Variants in CRYZL1 observed in about 807,000 individuals in gnomAD.
CRYZL1 encodes ferry endosomal RAB5 effector complex subunit 4.
In CRYZL1, 34 loss-of-function variants were observed where a neutral mutation model predicts 50.6. The ratio of observed to expected loss-of-function variants is 0.67; its 90% CI spans 0.51 to 0.89. CRYZL1 has a LOEUF of 0.89. Ranked by LOEUF, CRYZL1 falls within the 40% of genes least tolerant of loss-of-function variation. The pLI is 0.00. For missense variants in CRYZL1, 354 were observed against 402.3 expected (o/e 0.88, Z 1.03); for synonymous variants, 125 against 134.3 (o/e 0.93, Z 0.48).
Position 33,589,502 on chromosome 21 carries a change from G to A in CRYZL1, c.*320C>T, listed in dbSNP as rs1242572260. 1 of 452,888 alleles carries A rather than the reference G, an allele frequency of 2.2e-6. No homozygotes were observed. The highest frequency in any genetic ancestry group is 3.6e-5 in the East Asian group (1 of 27,600). 28.1% of individuals were successfully genotyped at this position (452,888 alleles called of 1,614,324 possible). On this transcript the variant is annotated 3_prime_UTR_variant, in exon 13 of 13. Transcript: ENST00000381554. ...AGGCCTGCAACAGCTTTTATCAAGA[G>A]TAGTGTGACTTTTGCTGAAAGCAGC...
At chr21:33,636,893 G>T (rs563572456) in intron 1 of CRYZL1, among the ~76,000 whole-genome samples, 1 of 152,146 alleles carries the variant, frequency 6.6e-6, no homozygotes, top group African/African-American at 2.4e-5. Context: ...TGCAAGCTCC[G>T]CCTCCGGGGT....
chr21:33,626,914 G>A (rs1478389221), intron 2 of CRYZL1, among the ~76,000 whole-genome samples: 2 of 152,134 alleles, frequency 1.3e-5, no homozygotes, highest in Non-Finnish European at 2.9e-5. Context: ...CTCCTGTGAT[G>A]TATCAAAGGG....
intron 1 of CRYZL1, chr21:33,640,122 G>A (rs948120207): frequency 4.3e-5 from 66 of 1,542,894 alleles, no homozygotes; most frequent in Non-Finnish European, 5.6e-5. Context: ...CACCACGCTC[G>A]GCCAATATGT....
At position 33,589,930 on chromosome 21, in the gene CRYZL1, G is replaced by T; in HGVS notation, c.951-9C>A. 1.3e-6 allele frequency: 2 copies of T among 1,531,626 alleles called. No homozygotes were observed. The highest frequency in any genetic ancestry group is 1.8e-5 in the Admixed American group (1 of 54,860). The allele number at this position is 1,531,626 out of a possible 1,614,324, so 94.9% of individuals were successfully genotyped here. On this transcript the variant is annotated splice_polypyrimidine_tract_variant and intron_variant, in intron 12 of 12. Transcript: ENST00000381554. The stretch of plus-strand genomic sequence containing the variant: ...GTTCATCCAACTGAGGTCTGAGAAG[G>T]AATGAAATTAGAAATGTCAGGTCTA...
At chr21:33,604,265 A>G (rs2145926333) in intron 6 of CRYZL1, among the ~76,000 whole-genome samples, 1 of 148,984 alleles carries the variant, frequency 6.7e-6, no homozygotes, top group Middle Eastern at 3.5e-3. Flanking sequence ...CTGAGGCAAG[A>G]GAATGGTGTG....
Position 33,624,680 on chromosome 21 carries a change from T to TA in CRYZL1, c.144+2dup, listed in dbSNP as rs781287785. 1 of 1,607,946 alleles carries TA rather than the reference T, an allele frequency of 6.2e-7. No individual in the cohort carries two copies. Among genetic ancestry groups the TA allele is most frequent in the South Asian group, 1.1e-5 (1 of 89,598 alleles). ...CTTTGTGCCATAATAAAAGAACCAA[T>TA]ACCTTTGTATTTATCTGGCTCAGAG... On this transcript the variant is annotated splice_region_variant and intron_variant, in intron 3 of 12. Transcript: ENST00000381554.
intron 1 of CRYZL1, chr21:33,641,168 G>T: frequency 6.5e-7 from 1 of 1,550,230 alleles, no homozygotes; most frequent in Non-Finnish European, 8.7e-7. Context: ...CTATCCCAAG[G>T]CGATGCTTAC....
At chr21:33,621,821 CAG>C (rs945294652) in intron 4 of CRYZL1, among the ~76,000 whole-genome samples, 173 bp downstream of exon 4, 9 of 151,774 alleles carry the variant, frequency 5.9e-5, no homozygotes, top group Admixed American at 3.9e-4. Context: ...CTGGGCAACA[CAG>C]AGAGACCTTG....
rs2086765507 is a variant in CRYZL1 at position 33,602,339 on chromosome 21, C to T, written c.472G>A (p.Gly158Ser). 6.4e-7 allele frequency: 1 copy of T among 1,572,854 alleles called. No homozygotes were observed. Among genetic ancestry groups the T allele is most frequent in the Admixed American group, 1.7e-5 (1 of 59,854 alleles). The change falls in exon 8 of 13, where the codon GGT (glycine) becomes AGT (serine). Residue 158 changes from glycine to serine, a missense_variant. Coordinates refer to ENST00000381554, the MANE Select transcript of CRYZL1 (RefSeq NM_145858.3). ...TGTGCTAACTGAATAGCTATTGTAC[C>T]AAATGCCTGTGTAGAAAAAAATATA... The part of the protein sequence containing the change: ...VLIMDGASAF[G>S]TIAIQLAHHR...
intron 1 of CRYZL1, among the ~76,000 whole-genome samples, chr21:33,634,834 CTGCT>C (rs1259334282): frequency 6.6e-6 from 1 of 150,880 alleles, no homozygotes; most frequent in African/African-American, 2.4e-5. Context: ...TGGAAGATAA[CTGCT>C]TGTTTGTACC....
intron 1 of CRYZL1, among the ~76,000 whole-genome samples, chr21:33,638,854 G>C (rs2087242640): frequency 6.6e-6 from 1 of 152,212 alleles, no homozygotes; most frequent in Admixed American, 6.5e-5. Context: ...GACTGAAACA[G>C]AGGATGGGTA....
chr21:33,624,419 C>A (rs930315977), intron 3 of CRYZL1, among the ~76,000 whole-genome samples: 1 of 152,070 alleles, frequency 6.6e-6, no homozygotes, highest in Admixed American at 6.6e-5. Flanking sequence ...TGTGGTGGTG[C>A]GCTCCTGTGA....
chr21:33,634,084 A>AGCAT (rs1190398680), intron 1 of CRYZL1, among the ~76,000 whole-genome samples: 1 of 152,264 alleles, frequency 6.6e-6, no homozygotes, highest in Non-Finnish European at 1.5e-5. Flanking sequence ...TTACGTATGT[A>AGCAT]GCATGTATCA....
At chr21:33,593,677 G>A (rs539483021) in intron 11 of CRYZL1, among the ~76,000 whole-genome samples, 4 of 152,062 alleles carry the variant, frequency 2.6e-5, no homozygotes, top group Non-Finnish European at 5.9e-5. Context: ...TTTCCAACAT[G>A]TAAGATTCAA....
At chr21:33,621,447 T>C (rs899685113) in intron 4 of CRYZL1, among the ~76,000 whole-genome samples, 1 of 151,754 alleles carries the variant, frequency 6.6e-6, no homozygotes. Flanking sequence ...GTTCACGCCA[T>C]TCTCCTGCCT....
At chr21:33,631,784 C>T (rs1215021737) in intron 1 of CRYZL1, among the ~76,000 whole-genome samples, 1 of 152,190 alleles carries the variant, frequency 6.6e-6, no homozygotes, top group Non-Finnish European at 1.5e-5. Flanking sequence ...CCTTTTACTA[C>T]AAAGGCAAAC....
chr21:33,617,358 T>C (rs1195201317), intron 4 of CRYZL1, among the ~76,000 whole-genome samples: 1 of 152,160 alleles, frequency 6.6e-6, no homozygotes, highest in African/African-American at 2.4e-5. Context: ...AAGAAACTAA[T>C]CTATTCTATA....
chr21:33,610,004 T>C (rs1431773218), intron 6 of CRYZL1, among the ~76,000 whole-genome samples: 1 of 132,770 alleles, frequency 7.5e-6, no homozygotes, highest in Non-Finnish European at 1.7e-5. Context: ...ATGCCTAGCC[T>C]TTTTTTTTTT....
At chr21:33,615,398 C>T (rs948562562) in intron 5 of CRYZL1, among the ~76,000 whole-genome samples, 10 of 152,036 alleles carry the variant, frequency 6.6e-5, no homozygotes, top group African/African-American at 2.4e-4. Context: ...AAGTGATCTT[C>T]CTGTCTTGGC....
Sources: gnomAD v4.1 joint callset for allele counts (sites outside exome capture counted in the v4.1 genomes callset) on GRCh38, gnomAD v4.1.1 for gene constraint, MANE v1.5 for transcripts, NCBI Gene and HGNC (gene_info 2026-07-23, HGNC 2026-07-21) for gene names.